LRRC52: variants seen among roughly 807,000 people sequenced by gnomAD.
LRRC52 encodes leucine-rich repeat-containing protein 52.
A neutral mutation model predicts 14.7 loss-of-function variants in LRRC52; 15 were observed. The ratio of observed to expected loss-of-function variants is 1.02; its 90% CI spans 0.68 to 1.58. LRRC52 has a LOEUF of 1.58. Among genes scored for constraint, LRRC52 ranks in the 40% most tolerant of loss-of-function variants. The pLI is 0.00. For missense variants in LRRC52, 400 were observed against 387.7 expected, an observed-to-expected ratio of 1.03 and a Z score of -0.27; for synonymous variants, 180 against 163.9, an observed-to-expected ratio of 1.10 and a Z score of -0.75.
chr1:165,558,667 T>C (rs1405657709), intron 1 of LRRC52, among the ~76,000 whole-genome samples: 2 of 151,626 alleles, frequency 1.3e-5, no homozygotes, highest in Non-Finnish European at 2.9e-5. Flanking sequence ...AGTTAAATGA[T>C]TTTTTTAAAA....
At chr1:165,560,729 G>A (rs952950814) in intron 1 of LRRC52, among the ~76,000 whole-genome samples, 4 of 152,156 alleles carry the variant, frequency 2.6e-5, no homozygotes, top group Non-Finnish European at 4.4e-5. Context: ...TGACAAAAAA[G>A]GAGCAGTGTA....
intron 1 of LRRC52, among the ~76,000 whole-genome samples, chr1:165,549,179 A>T (rs1390747527): frequency 6.6e-6 from 1 of 152,160 alleles, no homozygotes; most frequent in Admixed American, 6.5e-5. Context: ...TCAAATCAAG[A>T]CTTTGTCTCA....
At chr1:165,554,193 T>C (rs1220949103) in intron 1 of LRRC52, among the ~76,000 whole-genome samples, 1 of 152,202 alleles carries the variant, frequency 6.6e-6, no homozygotes, top group Non-Finnish European at 1.5e-5. Flanking sequence ...ACATGTTCAA[T>C]TAATGCTAGC....
At chr1:165,556,088 A>T (rs1661227730) in intron 1 of LRRC52, among the ~76,000 whole-genome samples, 1 of 152,274 alleles carries the variant, frequency 6.6e-6, no homozygotes, top group African/African-American at 2.4e-5. Flanking sequence ...CTTCTTTTTC[A>T]GAAAACTTTA....
chr1:165,553,708 AGTGG>A (rs1661180552), intron 1 of LRRC52, among the ~76,000 whole-genome samples: 1 of 152,106 alleles, frequency 6.6e-6, no homozygotes, highest in Non-Finnish European at 1.5e-5. Context: ...TTGAAAGGGG[AGTGG>A]CACCCCCTCT....
chr1:165,562,569 G>A (rs1661368047), intron 1 of LRRC52, among the ~76,000 whole-genome samples: 1 of 152,134 alleles, frequency 6.6e-6, no homozygotes, highest in African/African-American at 2.4e-5. Flanking sequence ...TCTTTGCACT[G>A]GTAAGATGAG....
At chr1:165,549,912 G>A (rs1006011129) in intron 1 of LRRC52, among the ~76,000 whole-genome samples, 1 of 152,052 alleles carries the variant, frequency 6.6e-6, no homozygotes, top group African/African-American at 2.4e-5. Context: ...ATACTCACCA[G>A]ATGTACTGAA....
rs373601718 is a variant in LRRC52, at chr1:165,563,794, C to T, written c.912C>T (p.Ser304=). The T allele has an allele frequency of 6.2e-7, 1 of 1,614,056 alleles. No homozygotes were observed. Among genetic ancestry groups the T allele is most frequent in the Non-Finnish European group, 8.5e-7 (1 of 1,180,032 alleles). Residue 304 remains serine (S), a synonymous_variant, in exon 2 of 2, where the codon AGC becomes AGT. Coordinates refer to ENST00000294818, the MANE Select transcript of LRRC52 (RefSeq NM_001005214.4). Reference sequence around the variant, plus strand: ...GGCGGATTTTTCAAACCCAGACGAGCTCGGTCCAGGAGTTCCCTCAGCTTA... The same window carrying T: ...GGCGGATTTTTCAAACCCAGACGAGTTCGGTCCAGGAGTTCCCTCAGCTTA... ...VSRRIFQTQT[S]SVQEFPQLI is the part of the protein sequence containing the mutation.
chr1:165,552,855 T>C (rs572298027), intron 1 of LRRC52, among the ~76,000 whole-genome samples: 2 of 152,036 alleles, frequency 1.3e-5, no homozygotes, highest in African/African-American at 2.4e-5. Flanking sequence ...ACAGAAAATA[T>C]AGAAAAGGGA....
At chr1:165,560,337 A>T (rs927099978) in intron 1 of LRRC52, among the ~76,000 whole-genome samples, 3 of 152,218 alleles carry the variant, frequency 2.0e-5, no homozygotes, top group African/African-American at 7.2e-5. Context: ...AGTAGGATTA[A>T]CCTAGAATCT....
At chr1:165,547,936 C>A (rs1158802482) in intron 1 of LRRC52, among the ~76,000 whole-genome samples, 4 of 152,214 alleles carry the variant, frequency 2.6e-5, no homozygotes, top group African/African-American at 4.8e-5. Context: ...GGTTCATGGT[C>A]TCTGCTACGT....
At chr1:165,546,958 G>A (rs1661031932) in intron 1 of LRRC52, among the ~76,000 whole-genome samples, 1 of 152,046 alleles carries the variant, frequency 6.6e-6, no homozygotes, top group South Asian at 2.1e-4. Context: ...GGTAGACAAA[G>A]CTTTCATCCC....
chr1:165,551,070 G>C (rs140273790), intron 1 of LRRC52, among the ~76,000 whole-genome samples: 1 of 152,166 alleles, frequency 6.6e-6, no homozygotes, highest in Non-Finnish European at 1.5e-5. Flanking sequence ...GTGCTGAGGC[G>C]AAGGTGTTCC....
At chr1:165,553,244 G>A (rs1236908962) in intron 1 of LRRC52, among the ~76,000 whole-genome samples, 1 of 152,152 alleles carries the variant, frequency 6.6e-6, no homozygotes, top group African/African-American at 2.4e-5. Flanking sequence ...GACAGCAGGA[G>A]CCCCCAGACA....
Position 165,544,772 on chromosome 1 carries a change from A to T in LRRC52, c.476A>T (p.Asn159Ile), listed in dbSNP as rs1660983102. ...TCTTTGAGGTACCTGGACCTCAGAA[A>T]TACCGGCTTGCAGACCCTGGACAGT... The part of the protein sequence containing the change: ...TTSLRYLDLR[N>I]TGLQTLDSAA... Residue 159 changes from asparagine to isoleucine, a missense_variant, in exon 1 of 2, where the codon AAT (asparagine) becomes ATT (isoleucine). Asn to Ile is a moderately radical substitution (Grantham distance 149). Transcript: ENST00000294818. The T allele has an allele frequency of 6.2e-7, 1 of 1,613,972 alleles. No individual in the cohort carries two copies. Among genetic ancestry groups the T allele is most frequent in the African/African-American group, 1.3e-5 (1 of 74,868 alleles).
intron 1 of LRRC52, among the ~76,000 whole-genome samples, chr1:165,549,185 T>C (rs1447149203): frequency 1.3e-5 from 2 of 152,182 alleles, no homozygotes; most frequent in African/African-American, 4.8e-5. Context: ...CAAGACTTTG[T>C]CTCAGCCTGG....
chr1:165,558,154 A>C (rs933771385), intron 1 of LRRC52, among the ~76,000 whole-genome samples: 1 of 152,252 alleles, frequency 6.6e-6, no homozygotes, highest in Non-Finnish European at 1.5e-5. Context: ...GATTCTGACA[A>C]AGAGGTTTTC....
intron 1 of LRRC52, among the ~76,000 whole-genome samples, chr1:165,551,568 C>T (rs1046544244): frequency 1.1e-4 from 16 of 152,260 alleles, no homozygotes; most frequent in Admixed American, 4.6e-4. Context: ...GACAGAGAGT[C>T]CCCTCTGTGT....
intron 1 of LRRC52, among the ~76,000 whole-genome samples, chr1:165,559,757 C>T (rs547802097): frequency 6.6e-6 from 1 of 152,278 alleles, no homozygotes; most frequent in Admixed American, 6.5e-5. Context: ...GTCACAAAAA[C>T]ATCATCAAAC....
Sources: gnomAD v4.1 joint callset for allele counts (sites outside exome capture counted in the v4.1 genomes callset) on GRCh38, gnomAD v4.1.1 for gene constraint, MANE v1.5 for transcripts, NCBI Gene and HGNC (gene_info 2026-07-23, HGNC 2026-07-21) for gene names.